The following NDUFB7 variants were observed in gnomAD, a reference collection of about 807,000 sequenced individuals.
NDUFB7 encodes the protein NADH dehydrogenase [ubiquinone] 1 beta subcomplex subunit 7.
NDUFB7 carries 18 observed loss-of-function variants against 14.7 expected under a neutral mutation model. That is an observed-to-expected ratio of 1.22 (90% confidence interval 0.85 to 1.81). NDUFB7 has a LOEUF of 1.81. Among genes scored for constraint, NDUFB7 ranks in the 40% most tolerant of loss-of-function variants. The probability of loss-of-function intolerance (pLI) is 0.00; values close to 1 mark genes in which losing one functional copy is unlikely to be tolerated. For missense variants in NDUFB7, 219 were observed against 195.0 expected, an observed-to-expected ratio of 1.12 and a Z score of -0.73; for synonymous variants, 86 against 76.1, an observed-to-expected ratio of 1.13 and a Z score of -0.68.
At chr19:14,570,067 T>C (rs1316748490) in intron 1 of NDUFB7, among the ~76,000 whole-genome samples, 1 of 152,030 alleles carries the variant, frequency 6.6e-6, no homozygotes, top group African/African-American at 2.4e-5. Context: ...AATTTTTGTA[T>C]TTTTAGTAGA....
intron 1 of NDUFB7, among the ~76,000 whole-genome samples, chr19:14,568,507 T>C (rs748300595): frequency 1.3e-5 from 2 of 152,052 alleles, no homozygotes; most frequent in Non-Finnish European, 2.9e-5. Flanking sequence ...CTCCTCCCTC[T>C]TTTGTCTTGA....
At position 14,566,089 on chromosome 19, in the gene NDUFB7, G is replaced by T; in HGVS notation, c.*44C>A. 1.3e-6 allele frequency: 2 copies of T among 1,581,422 alleles called. No individual in the cohort carries two copies. The highest frequency in any genetic ancestry group is 1.7e-6 in the Non-Finnish European group (2 of 1,162,858). On this transcript the variant is annotated 3_prime_UTR_variant, in exon 3 of 3. Transcript: ENST00000215565. Reference sequence around the variant, plus strand: ...AGAGGGGACTCTGGTTGAGGGGCCTGAAGGCTTTTATTTGACTGGTCCATA... The same window carrying T: ...AGAGGGGACTCTGGTTGAGGGGCCTTAAGGCTTTTATTTGACTGGTCCATA...
rs763918861 is a variant in NDUFB7 at position 14,566,281 on chromosome 19, G to T, written c.282-16C>A. 5 of 1,613,536 alleles carry T rather than the reference G, an allele frequency of 3.1e-6. No homozygotes were observed. Among genetic ancestry groups the T allele is most frequent in the Non-Finnish European group, 4.2e-6 (5 of 1,179,876 alleles). On this transcript the variant is annotated splice_polypyrimidine_tract_variant and intron_variant, in intron 2 of 2. Transcript: ENST00000215565. ...CATCACATAGCTGGGGGAAAAGCACGAGAGGGGCTGTCAGGGTCCCTGGCC... is the reference window on the plus strand; with the variant it reads ...CATCACATAGCTGGGGGAAAAGCACTAGAGGGGCTGTCAGGGTCCCTGGCC...
intron 1 of NDUFB7, among the ~76,000 whole-genome samples, chr19:14,570,080 A>C (rs532980438): frequency 4.7e-4 from 71 of 152,090 alleles, no homozygotes; most frequent in Middle Eastern, 3.4e-3. Context: ...TTAGTAGAGT[A>C]GAGACGGGGT....
intron 1 of NDUFB7, 67 bp downstream of exon 1, chr19:14,571,822 T>C: frequency 6.2e-6 from 9 of 1,458,498 alleles, no homozygotes; most frequent in Non-Finnish European, 9.4e-7. Flanking sequence ...GTGCCAGCCC[T>C]GGGGTGCCAG....
In NDUFB7 at chr19:14,567,260, C is replaced by G. The variant is rs191842921; in HGVS notation, c.113-327G>C. 6.6e-6 allele frequency among the ~76,000 whole-genome samples: 1 copy of G among 152,086 alleles called. No homozygotes were observed. The highest frequency in any genetic ancestry group is 1.5e-5 in the Non-Finnish European group (1 of 68,012). Reference sequence around the variant, plus strand: ...GCCCGTCCCCAGCTCTCTACAGCCCCGCTCTCCAGAGTCCGAGTTCAGAAT... The same window carrying G: ...GCCCGTCCCCAGCTCTCTACAGCCCGGCTCTCCAGAGTCCGAGTTCAGAAT... On this transcript the variant is annotated intron_variant, in intron 1 of 2. Transcript: ENST00000215565. This position sits in a 1 kb window ranked among gnomAD's most constrained non-coding sequence, Gnocchi z 5.1.
intron 1 of NDUFB7, among the ~76,000 whole-genome samples, chr19:14,569,217 A>G (rs192519143): frequency 6.6e-5 from 10 of 152,176 alleles, no homozygotes; most frequent in Non-Finnish European, 1.3e-4. Flanking sequence ...CCGGGAGGTA[A>G]GAGAAAGGCC....
At chr19:14,566,700 G>A (rs1409396542) in intron 2 of NDUFB7, 65 bp downstream of exon 2, 3 of 1,443,870 alleles carry the variant, frequency 2.1e-6, no homozygotes, top group Non-Finnish European at 2.8e-6. Context: ...GGCCAGGGGT[G>A]TGGAAGGCTG....
intron 1 of NDUFB7, among the ~76,000 whole-genome samples, chr19:14,570,749 C>T (rs2074120275): frequency 6.6e-6 from 1 of 152,236 alleles, no homozygotes; most frequent in Non-Finnish European, 1.5e-5. Flanking sequence ...GGAGACAGTG[C>T]CTGCATCCCT....
Position 14,567,090 on chromosome 19 carries a change from T to G in NDUFB7, c.113-157A>C, listed in dbSNP as rs1251154844. ...GTGGATGGCAGATGCCTTTGACGGA[T>G]GCACTGTCCTGAAGGGGCCTCCTTT... On this transcript the variant is annotated intron_variant, in intron 1 of 2. Coordinates refer to ENST00000215565, the MANE Select transcript of NDUFB7 (RefSeq NM_004146.6). This position sits in a 1 kb window ranked among gnomAD's most constrained non-coding sequence, Gnocchi z 5.1. Among the ~76,000 whole-genome samples, 2 of 151,998 alleles carry G rather than the reference T, an allele frequency of 1.3e-5. No homozygotes were observed. Among genetic ancestry groups the G allele is most frequent in the Non-Finnish European group, 2.9e-5 (2 of 67,972 alleles).
chr19:14,569,973 C>T (rs2074115819), intron 1 of NDUFB7, among the ~76,000 whole-genome samples: 1 of 152,138 alleles, frequency 6.6e-6, no homozygotes, highest in Non-Finnish European at 1.5e-5. Flanking sequence ...TCACTGCAAC[C>T]TCTGCCTCCT....
At position 14,566,145 on chromosome 19, in the gene NDUFB7, C is replaced by G. The variant is rs141098822; in HGVS notation, c.402G>C (p.Lys134Asn). The change falls in exon 3 of 3, where the codon AAG becomes AAC. Residue 134 changes from lysine (K) to asparagine (N), a missense_variant. Coordinates refer to ENST00000215565, the MANE Select transcript of NDUFB7 (RefSeq NM_004146.6). ...KGQGPGEVDP[K>N]VAL ...GGGGGTGCACCCCCTACAGGGCCAC[C>G]TTGGGGTCCACTTCCCCGGGTCCCT... 1 of 1,611,734 alleles carries G rather than the reference C, an allele frequency of 6.2e-7. No individual in the cohort carries two copies. Among genetic ancestry groups the G allele is most frequent in the East Asian group, 2.2e-5 (1 of 44,818 alleles).
In NDUFB7 at chr19:14,571,954, T is replaced by A; in HGVS notation, c.47A>T (p.Glu16Val). 1.2e-6 allele frequency: 2 copies of A among 1,611,312 alleles called. No homozygotes were observed. The highest frequency in any genetic ancestry group is 1.7e-6 in the Non-Finnish European group (2 of 1,179,230). The stretch of plus-strand genomic sequence containing the variant: ...GGTTGGCATCTGCAGGGGGTCGGGC[T>A]CCACCGAGGCATCGCCCAGGTAGCG... ...VRRYLGDASV[E>V]PDPLQMPTFP... The change falls in exon 1 of 3, where the codon GAG becomes GTG. Residue 16 changes from glutamate (E) to valine (V), a missense_variant. By Grantham distance (121) the Glu-to-Val change is moderately radical (BLOSUM62 -2). Coordinates refer to ENST00000215565, the MANE Select transcript of NDUFB7 (RefSeq NM_004146.6).
intron 1 of NDUFB7, among the ~76,000 whole-genome samples, chr19:14,569,724 C>G (rs147268660): frequency 1.6e-4 from 24 of 152,300 alleles, no homozygotes; most frequent in Middle Eastern, 3.4e-3. Flanking sequence ...CCAACTTTCT[C>G]TCAAATCCAG....
At chr19:14,569,885 CTTTGT>C (rs576997220) in intron 1 of NDUFB7, among the ~76,000 whole-genome samples, 83 of 152,240 alleles carry the variant, frequency 5.5e-4, no homozygotes, top group Middle Eastern at 3.4e-3. Flanking sequence ...CCCTTCACAT[CTTTGT>C]TTTGTTTTGT....
At position 14,571,934 on chromosome 19, in the gene NDUFB7, G is replaced by A. The variant is rs1353357294; in HGVS notation, c.67C>T (p.Pro23Ser). ...AAGCCGTAGTCTGGCGGGAAGGTTG[G>A]CATCTGCAGGGGGTCGGGCTCCACC... ...ASVEPDPLQMPTFPPDYGFPE... is the reference protein window; with the variant it reads ...ASVEPDPLQMSTFPPDYGFPE... The change falls in exon 1 of 3, where the codon CCA becomes TCA. Residue 23 changes from proline to serine, a missense_variant. Pro to Ser is a moderately conservative substitution (Grantham distance 74). Transcript: ENST00000215565. The A allele has an allele frequency of 6.2e-7, 1 of 1,612,254 alleles. No homozygotes were observed. The highest frequency in any genetic ancestry group is 1.1e-5 in the South Asian group (1 of 90,792).
chr19:14,569,261 G>A (rs565018926), intron 1 of NDUFB7, among the ~76,000 whole-genome samples: 41 of 152,044 alleles, frequency 2.7e-4, no homozygotes, highest in Non-Finnish European at 3.7e-4. Context: ...AGTACCAATC[G>A]GGAGACCGGT....
intron 2 of NDUFB7, 124 bp from the exon 3 acceptor site, chr19:14,566,389 G>A: frequency 6.7e-7 from 1 of 1,488,624 alleles, no homozygotes; most frequent in African/African-American, 1.4e-5. Context: ...ACATGTCCGA[G>A]TGCCTGTGGC....
At chr19:14,568,915 C>T (rs2074109026) in intron 1 of NDUFB7, among the ~76,000 whole-genome samples, 2 of 152,038 alleles carry the variant, frequency 1.3e-5, no homozygotes, top group African/African-American at 2.4e-5. Flanking sequence ...TGGCTCACGC[C>T]TGTAAACCCA....
Sources: allele counts gnomAD v4.1 joint callset (sites outside exome capture counted in the v4.1 genomes callset), GRCh38; gene constraint gnomAD v4.1.1; non-coding constraint Gnocchi (gnomAD v3.1); transcripts MANE v1.5; gene names NCBI Gene and HGNC (gene_info 2026-07-23, HGNC 2026-07-21).